Variants in CDIN1 observed in about 807,000 individuals in gnomAD.
CDIN1 encodes CDAN1-interacting nuclease 1.
Under a neutral mutation model 45.3 loss-of-function variants are expected in CDIN1, and 33 were observed. The ratio of observed to expected loss-of-function variants is 0.73; its 90% CI spans 0.55 to 0.97. The LOEUF (loss-of-function observed/expected upper bound fraction) is 0.97, where lower values mean the gene tolerates loss of function less well. Among genes scored for constraint, CDIN1 ranks in the 50% least tolerant of loss-of-function variants. CDIN1 has a pLI of 0.00. For synonymous variants in CDIN1, 118 were observed against 124.4 expected (o/e 0.95, Z 0.34); for missense variants, 303 against 339.4 (o/e 0.89, Z 0.84).
chr15:36,645,226 C>G lies in CDIN1; in HGVS notation c.151C>G (p.His51Asp). The change falls in exon 3 of 11, where the codon CAC (histidine) becomes GAC (aspartate). Residue 51 changes from histidine (H) to aspartate (D), a missense_variant. Transcript: ENST00000566621. ...GTTGTTGTTTTTTTTCTTTCAGAAA[C>G]ACATTAAAAGAACACATGCCAAACA... ...LSIFSQEYQK[H>D]IKRTHAKHHT... is the part of the protein sequence containing the mutation. 6.4e-7 allele frequency: 1 copy of G among 1,550,818 alleles called. No individual in the cohort carries two copies. Among genetic ancestry groups the G allele is most frequent in the South Asian group, 1.2e-5 (1 of 83,954 alleles).
intron 10 of CDIN1, among the ~76,000 whole-genome samples, chr15:36,794,588 A>G (rs947317800): frequency 6.6e-6 from 1 of 152,134 alleles, no homozygotes. Flanking sequence ...AGCATAATTT[A>G]TATCCTTGGG....
At chr15:36,733,130 TAG>T (rs1315336747) in intron 10 of CDIN1, among the ~76,000 whole-genome samples, 2 of 152,056 alleles carry the variant, frequency 1.3e-5, no homozygotes, top group Non-Finnish European at 2.9e-5. Flanking sequence ...GCAAATGAAT[TAG>T]AGAGTTTATA....
intron 10 of CDIN1, among the ~76,000 whole-genome samples, chr15:36,711,435 C>T (rs2043052435): frequency 6.6e-6 from 1 of 152,162 alleles, no homozygotes; most frequent in African/African-American, 2.4e-5. Context: ...TGAATACCTA[C>T]TGTGTACTTA....
chr15:36,640,642 G>A (rs1363886987), intron 1 of CDIN1: 3 of 985,186 alleles, frequency 3.0e-6, no homozygotes, highest in Non-Finnish European at 2.4e-6. Flanking sequence ...CATAAAATAC[G>A]TGATGTCTTC....
At chr15:36,806,916 ATC>A (rs1216927718) in intron 10 of CDIN1, among the ~76,000 whole-genome samples, 1 of 152,106 alleles carries the variant, frequency 6.6e-6, no homozygotes, top group Non-Finnish European at 1.5e-5. Flanking sequence ...CCCCAAAGGA[ATC>A]TCTTCTTTGG....
chr15:36,644,503 A>G (rs1244314431), intron 2 of CDIN1, among the ~76,000 whole-genome samples, 180 bp downstream of exon 2: 1 of 151,964 alleles, frequency 6.6e-6, no homozygotes, highest in Non-Finnish European at 1.5e-5. Flanking sequence ...CCATCTGTCT[A>G]ATAACATCTA....
rs138236859 is a variant in CDIN1, at chr15:36,753,451, G to A, written c.716+43490G>A. 2.4e-3 allele frequency among the ~76,000 whole-genome samples: 361 copies of A among 152,094 alleles called. 1 individual carries two copies. The highest frequency in any genetic ancestry group is 2.8e-3 in the Non-Finnish European group (190 of 67,988). ...TTGCAGTTGCCTTTGTATGGCTACC[G>A]GGTTAGATCATTCTTGGCAAGTTTG... On this transcript the variant is annotated intron_variant, in intron 10 of 10. Transcript: ENST00000566621.
intron 1 of CDIN1, among the ~76,000 whole-genome samples, chr15:36,598,692 T>C (rs2037954128): frequency 6.6e-6 from 1 of 152,056 alleles, no homozygotes; most frequent in South Asian, 2.1e-4. Context: ...TATTTTCCTC[T>C]CTCCTTCCTT....
intron 10 of CDIN1, among the ~76,000 whole-genome samples, chr15:36,739,509 A>C (rs536497898): frequency 6.6e-6 from 1 of 152,348 alleles, no homozygotes; most frequent in South Asian, 2.1e-4. Flanking sequence ...AGCCCACTGC[A>C]ATTTCTGAGA....
intron 10 of CDIN1, among the ~76,000 whole-genome samples, chr15:36,746,669 C>CCACACACACACACACACACACACACA (rs34320677): frequency 9.9e-5 from 14 of 141,502 alleles, no homozygotes; most frequent in South Asian, 2.2e-4. Flanking sequence ...ATATATGGTT[C>CCACACACACACACACACACACACACA]CACACACACA....
intron 7 of CDIN1, among the ~76,000 whole-genome samples, chr15:36,695,478 T>C (rs1163933337): frequency 1.3e-5 from 2 of 152,156 alleles, no homozygotes; most frequent in Admixed American, 1.3e-4. Flanking sequence ...TGCTCCTGAT[T>C]TCATTATTTA....
intron 10 of CDIN1, among the ~76,000 whole-genome samples, chr15:36,728,782 C>T (rs1595527851): frequency 6.6e-6 from 1 of 151,970 alleles, no homozygotes; most frequent in African/African-American, 2.4e-5. Context: ...CAAGCAATTC[C>T]CCTGCCTCAG....
At chr15:36,745,824 G>A (rs2044402772) in intron 10 of CDIN1, among the ~76,000 whole-genome samples, 1 of 152,064 alleles carries the variant, frequency 6.6e-6, no homozygotes, top group African/African-American at 2.4e-5. Flanking sequence ...AAATTAGCCA[G>A]GCGTGGGGGT....
intron 5 of CDIN1, among the ~76,000 whole-genome samples, chr15:36,663,971 A>G (rs576880747): frequency 6.6e-5 from 10 of 152,298 alleles, no homozygotes; most frequent in Admixed American, 4.6e-4. Context: ...ACCAACTAAT[A>G]AGCTATTGCA....
intron 1 of CDIN1, among the ~76,000 whole-genome samples, chr15:36,615,356 A>G (rs1397180751): frequency 6.6e-6 from 1 of 151,918 alleles, no homozygotes; most frequent in Non-Finnish European, 1.5e-5. Context: ...CTTAAAATGT[A>G]CTCTCCTTTG....
At chr15:36,641,761 G>A (rs1420490979) in intron 1 of CDIN1, 1 of 152,124 alleles carries the variant, frequency 6.6e-6, no homozygotes, top group African/African-American at 2.4e-5. Context: ...GTACTTGAAA[G>A]TTTCTTCTAA....
intron 1 of CDIN1, among the ~76,000 whole-genome samples, chr15:36,606,716 AT>A (rs377706227): frequency 6.6e-6 from 1 of 152,194 alleles, no homozygotes; most frequent in African/African-American, 2.4e-5. Flanking sequence ...CCTAAACTTT[AT>A]TTTAAAATGT....
At chr15:36,690,069 T>C (rs2042188279) in intron 5 of CDIN1, among the ~76,000 whole-genome samples, 1 of 152,188 alleles carries the variant, frequency 6.6e-6, no homozygotes, top group South Asian at 2.1e-4. Context: ...GGAGATTCCA[T>C]ATGACCTTTT....
intron 1 of CDIN1, among the ~76,000 whole-genome samples, chr15:36,628,572 G>A (rs1344564155): frequency 2.0e-5 from 3 of 152,086 alleles, no homozygotes; most frequent in Non-Finnish European, 2.9e-5. Context: ...CCTAATTTAG[G>A]TAAGATTTGG....
Sources: allele counts gnomAD v4.1 joint callset (sites outside exome capture counted in the v4.1 genomes callset), GRCh38; gene constraint gnomAD v4.1.1; transcripts MANE v1.5; gene names NCBI Gene and HGNC (gene_info 2026-07-23, HGNC 2026-07-21).